The following CFAP54 variants were observed in gnomAD, a reference collection of about 807,000 sequenced individuals.
CFAP54 encodes cilia and flagella associated protein 54, also known as cilia- and flagella-associated protein 54.
Under a neutral mutation model 370.4 loss-of-function variants are expected in CFAP54, and 290 were observed. That is an observed-to-expected ratio of 0.78 (90% CI 0.71 to 0.86). CFAP54 has a LOEUF of 0.86. Among genes scored for constraint, CFAP54 ranks in the 40% least tolerant of loss-of-function variants. The pLI, the probability that CFAP54 is intolerant of heterozygous loss-of-function variation, is 0.00. For missense variants in CFAP54, 3,399 were observed against 3,528.7 expected (o/e 0.96, Z 0.93); for synonymous variants, 1,206 against 1,236.5 (o/e 0.98, Z 0.52).
intron 24 of CFAP54, among the ~76,000 whole-genome samples, chr12:96,593,834 A>G (rs1247631481): frequency 6.6e-6 from 1 of 152,130 alleles, no homozygotes; most frequent in Non-Finnish European, 1.5e-5. Flanking sequence ...TAGCAGAAGT[A>G]TAATTAGCAG....
At chr12:96,505,961 A>G (rs765986188) in intron 3 of CFAP54, among the ~76,000 whole-genome samples, 19 of 152,136 alleles carry the variant, frequency 1.2e-4, no homozygotes, top group Non-Finnish European at 2.2e-4. Flanking sequence ...CTCAAGAAAC[A>G]TTTGTTGAGT....
chr12:96,710,236 A>T (rs1957595569), intron 48 of CFAP54, among the ~76,000 whole-genome samples: 1 of 152,120 alleles, frequency 6.6e-6, no homozygotes, highest in Non-Finnish European at 1.5e-5. Flanking sequence ...AAATAGTTAC[A>T]GTTTCCAAGA....
At chr12:96,837,315 G>C (rs1565997897) in intron 66 of CFAP54, among the ~76,000 whole-genome samples, 1 of 152,118 alleles carries the variant, frequency 6.6e-6, no homozygotes, top group Non-Finnish European at 1.5e-5. Context: ...ACTCCTGCCT[G>C]TCAGCTGCAG....
intron 22 of CFAP54, among the ~76,000 whole-genome samples, chr12:96,582,996 A>G (rs912038217): frequency 1.3e-5 from 2 of 152,148 alleles, no homozygotes; most frequent in Non-Finnish European, 2.9e-5. Context: ...GTTTCAGGAC[A>G]GTTCTTTTCT....
At chr12:96,535,174 C>T (rs554841691) in intron 11 of CFAP54, among the ~76,000 whole-genome samples, 15 of 151,988 alleles carry the variant, frequency 9.9e-5, no homozygotes, top group Middle Eastern at 3.4e-3. Flanking sequence ...CTCAGCCTCC[C>T]GAGTAGCTAG....
chr12:96,617,536 G>T (rs1956433265), intron 26 of CFAP54, among the ~76,000 whole-genome samples: 1 of 152,200 alleles, frequency 6.6e-6, no homozygotes, highest in African/African-American at 2.4e-5. Context: ...CATTCCTGCT[G>T]CTGTTAGTTC....
At chr12:96,873,572 C>T (rs1275019842) in intron 67 of CFAP54, among the ~76,000 whole-genome samples, 1 of 152,166 alleles carries the variant, frequency 6.6e-6, no homozygotes, top group Non-Finnish European at 1.5e-5. Flanking sequence ...GTGGCCATAG[C>T]AGTTCCAAGA....
chr12:96,526,611 C>T (rs907418889), intron 8 of CFAP54, among the ~76,000 whole-genome samples: 17 of 152,176 alleles, frequency 1.1e-4, no homozygotes, highest in African/African-American at 3.9e-4. Flanking sequence ...GTTTGAATAT[C>T]AGTTCCGAAG....
chr12:96,865,563 A>G (rs1039551494), intron 67 of CFAP54, among the ~76,000 whole-genome samples: 2 of 152,178 alleles, frequency 1.3e-5, no homozygotes, highest in Non-Finnish European at 2.9e-5. Context: ...GATGAAATCT[A>G]GGGAAAATGC....
chr12:96,596,039 G>A (rs751033439), intron 25 of CFAP54, among the ~76,000 whole-genome samples: 4 of 152,094 alleles, frequency 2.6e-5, no homozygotes, highest in Non-Finnish European at 5.9e-5. Context: ...TGTCCAGAAA[G>A]TTCATATCCT....
chr12:96,796,241 T>A (rs1958760479), intron 63 of CFAP54, among the ~76,000 whole-genome samples: 2 of 152,350 alleles, frequency 1.3e-5, no homozygotes, highest in South Asian at 2.1e-4. Context: ...CTCCACAGGC[T>A]GCTCTGTCCA....
At chr12:96,866,122 G>A (rs1267938583) in intron 67 of CFAP54, among the ~76,000 whole-genome samples, 1 of 151,872 alleles carries the variant, frequency 6.6e-6, no homozygotes, top group African/African-American at 2.4e-5. Flanking sequence ...CCATAATTTT[G>A]ATGTTAAAAA....
At chr12:96,871,464 A>G (rs1960164335) in intron 67 of CFAP54, among the ~76,000 whole-genome samples, 1 of 152,218 alleles carries the variant, frequency 6.6e-6, no homozygotes, top group Non-Finnish European at 1.5e-5. Context: ...GTATGCTAGA[A>G]CAAAACTCAA....
intron 63 of CFAP54, among the ~76,000 whole-genome samples, chr12:96,809,437 G>A (rs1958910381): frequency 6.6e-6 from 1 of 151,966 alleles, no homozygotes; most frequent in African/African-American, 2.4e-5. Context: ...TGATTATTTA[G>A]TTGTTTTGAT....
At chr12:96,783,652 C>T (rs891451879) in intron 60 of CFAP54, among the ~76,000 whole-genome samples, 50 of 152,160 alleles carry the variant, frequency 3.3e-4, no homozygotes, top group Admixed American at 2.6e-3. Context: ...TTTGGAAGGC[C>T]GAGGCAGGTG....
chr12:96,825,306 ATATAATATAATATATATTATATAACATGT>A, intron 65 of CFAP54, among the ~76,000 whole-genome samples: 1 of 128,080 alleles, frequency 7.8e-6, no homozygotes, highest in African/African-American at 2.9e-5. Flanking sequence ...TATATTATAT[ATATAATATAATATATATTATATAACATGT>A]TATATATTAT....
intron 1 of CFAP54, among the ~76,000 whole-genome samples, chr12:96,496,310 G>T (rs1395599985): frequency 6.6e-6 from 1 of 152,194 alleles, no homozygotes; most frequent in African/African-American, 2.4e-5. Context: ...GCCATCTTCA[G>T]TTCTTAAGTT....
intron 65 of CFAP54, among the ~76,000 whole-genome samples, chr12:96,827,951 A>T (rs1471190265): frequency 1.9e-5 from 2 of 103,974 alleles, no homozygotes; most frequent in Non-Finnish European, 3.7e-5. Flanking sequence ...TATAATATAT[A>T]ATTATATATA....
intron 26 of CFAP54, among the ~76,000 whole-genome samples, chr12:96,621,016 G>GA (rs1956481236): frequency 6.6e-6 from 1 of 152,222 alleles, no homozygotes; most frequent in African/African-American, 2.4e-5. Flanking sequence ...GGTATTAGGG[G>GA]ATGTGAGAGG....
Sources: allele counts gnomAD v4.1 joint callset (sites outside exome capture counted in the v4.1 genomes callset), GRCh38; gene constraint gnomAD v4.1.1; transcripts MANE v1.5; gene names NCBI Gene and HGNC (gene_info 2026-07-23, HGNC 2026-07-21).